The following LHB variants were observed in gnomAD, a reference collection of about 807,000 sequenced individuals.
LHB encodes lutropin subunit beta.
LHB carries 11 observed loss-of-function variants against 10.6 expected under a neutral mutation model. The ratio of observed to expected loss-of-function variants is 1.04; its 90% CI spans 0.66 to 1.72. LHB has a LOEUF of 1.72. LHB is among the 40% of genes most tolerant of loss of function. The pLI is 0.00. For missense variants in LHB, 184 were observed against 197.3 expected (o/e 0.93, Z 0.41); for synonymous variants, 86 against 83.1 (o/e 1.03, Z -0.19).
chr19:49,017,476 T>TA (rs1388672225), upstream of LHB: 1 of 1,151,988 alleles, frequency 8.7e-7, no homozygotes, highest in Non-Finnish European at 1.1e-6. Flanking sequence ...CTTGAGGCTT[T>TA]CCTGCACCAC....
chr19:49,016,322 G>A lies in LHB; in HGVS notation c.184-12C>T, dbSNP rs749135700. The A allele has an allele frequency of 6.2e-7, 1 of 1,609,708 alleles. No homozygotes were observed. Among genetic ancestry groups the A allele is most frequent in the South Asian group, 1.1e-5 (1 of 90,978 alleles). ...TGCAGCACGCGCATCTGGAGGCCGTGTGAGTGGGGGAATGAGCATGTGCCT... is the reference window on the plus strand; with the variant it reads ...TGCAGCACGCGCATCTGGAGGCCGTATGAGTGGGGGAATGAGCATGTGCCT... On this transcript the variant is annotated splice_polypyrimidine_tract_variant and intron_variant, in intron 2 of 2. Transcript: ENST00000649238.
upstream of LHB, chr19:49,019,359 A>C (rs10417524): frequency 0.61 from 738,181 of 1,214,810 alleles, 226,851 homozygotes; most frequent in African/African-American, 0.73. Flanking sequence ...AGCAACTCCA[A>C]GTTACCTCTC....
Position 49,016,245 on chromosome 19 carries a change from G to A in LHB, c.249C>T (p.Arg83=). 6.2e-7 allele frequency: 1 copy of A among 1,612,460 alleles called. No homozygotes were observed. The highest frequency in any genetic ancestry group is 1.1e-5 in the South Asian group (1 of 91,012). ...PQVVCTYRDV[R]FESIRLPGCP... ...AGCCAGGGAGCCGGATGGACTCGAA[G>A]CGCACATCACGGTAGGTGCACACCA... The change falls in exon 3 of 3, where the codon CGC becomes CGT. Residue 83 remains arginine (R), a synonymous_variant. Coordinates refer to ENST00000649238, the MANE Select transcript of LHB (RefSeq NM_000894.3).
chr19:49,016,076 AGAG>A lies in LHB; in HGVS notation c.415_417del (p.Leu139del), dbSNP rs746584185. Reference sequence around the variant, plus strand: ...GGCTGCGGGGAGGGTCTTTAGAGGAAGAGGAGGCCTGAGAGTTGGGGGTGGTCA... The same window carrying A: ...GGCTGCGGGGAGGGTCTTTAGAGGAAGAGGCCTGAGAGTTGGGGGTGGTCA... On this transcript the variant is annotated inframe_deletion, in exon 3 of 3. Transcript: ENST00000649238. 1.0e-4 allele frequency: 168 copies of A among 1,613,402 alleles called. 1 individual carries two copies. In the African/African-American group the frequency reaches 2.0e-3, roughly 19 times the overall value.
upstream of LHB, chr19:49,019,255 A>C (rs1600208649): frequency 7.7e-7 from 1 of 1,293,136 alleles, no homozygotes; most frequent in East Asian, 3.1e-5. Context: ...AGGAACTCAA[A>C]CCCAAGCCCC....
At chr19:49,017,038 G>A (rs765475513) in intron 1 of LHB, 29 bp downstream of exon 1, 2 of 1,613,558 alleles carry the variant, frequency 1.2e-6, no homozygotes, top group East Asian at 4.5e-5. Flanking sequence ...GAAGGAGGTG[G>A]AAGGTGCCCA....
upstream of LHB, chr19:49,017,782 T>C: frequency 2.5e-6 from 1 of 403,542 alleles, no homozygotes. Context: ...TATCTGGACT[T>C]AGTCCCCTCT....
chr19:49,019,406 TCTC>T, upstream of LHB: 1 of 1,255,916 alleles, frequency 8.0e-7, no homozygotes, highest in Non-Finnish European at 1.0e-6. Context: ...AATATTCTAG[TCTC>T]CTCCCCACCC....
At chr19:49,018,991 C>T, upstream of LHB, 1 of 1,532,908 alleles carries the variant, frequency 6.5e-7, no homozygotes, top group Non-Finnish European at 8.7e-7. Context: ...TTCGTCCAGG[C>T]AATTAGAGCC....
At chr19:49,018,236 C>T (rs533582009), upstream of LHB, 70 of 759,702 alleles carry the variant, frequency 9.2e-5, no homozygotes, top group African/African-American at 1.2e-3. Flanking sequence ...CCGGGAGGAG[C>T]GCGGACAGGG....
chr19:49,018,460 G>A, upstream of LHB: 3 of 574,076 alleles, frequency 5.2e-6, no homozygotes, highest in Non-Finnish European at 7.8e-6. Context: ...GCACCCCTTA[G>A]GAAGGACGCG....
At chr19:49,016,836 G>C in intron 1 of LHB, 122 bp from the exon 2 acceptor site, 1 of 1,577,614 alleles carries the variant, frequency 6.3e-7, no homozygotes, top group East Asian at 2.3e-5. Flanking sequence ...TCCTATTCAG[G>C]ACCCACCACC....
upstream of LHB, chr19:49,019,458 T>G (rs2039601778): frequency 3.2e-6 from 4 of 1,253,850 alleles, no homozygotes; most frequent in Non-Finnish European, 4.0e-6. Flanking sequence ...TTAGGAGCCC[T>G]GAAGGTGAGT....
upstream of LHB, chr19:49,018,233 G>A (rs1005491183): frequency 1.4e-6 from 1 of 731,994 alleles, no homozygotes; most frequent in Non-Finnish European, 1.9e-6. Flanking sequence ...CGGCCGGGAG[G>A]AGCGCGGACA....
chr19:49,018,274 C>T (rs1009244715), upstream of LHB: 7 of 1,080,132 alleles, frequency 6.5e-6, no homozygotes, highest in Admixed American at 2.6e-4. Flanking sequence ...GGCTCCAGAC[C>T]TGGGGCGTCT....
chr19:49,019,003 G>A (rs954817029), upstream of LHB: 2 of 1,531,796 alleles, frequency 1.3e-6, no homozygotes, highest in Non-Finnish European at 1.7e-6. Flanking sequence ...ATTAGAGCCT[G>A]AGCAAGATTG....
chr19:49,016,031 G>A lies in LHB; in HGVS notation c.*37C>T. 2 of 1,614,016 alleles carry A rather than the reference G, an allele frequency of 1.2e-6. No homozygotes were observed. Among genetic ancestry groups the A allele is most frequent in the South Asian group, 2.2e-5 (2 of 91,082 alleles). On this transcript the variant is annotated 3_prime_UTR_variant, in exon 3 of 3. Coordinates refer to ENST00000649238, the MANE Select transcript of LHB (RefSeq NM_000894.3). ...GAGGATCGGGGTGTCAGGGCTCCAG[G>A]AGTCGGGATGGACTTGGAAGGCTGC... is the stretch of plus-strand genomic sequence containing the variant.
Sources: allele counts gnomAD v4.1 joint callset, GRCh38; gene constraint gnomAD v4.1.1; transcripts MANE v1.5; gene names NCBI Gene and HGNC (gene_info 2026-07-23, HGNC 2026-07-21).